FGF14: variants seen among roughly 807,000 people sequenced by gnomAD.
FGF14 encodes the protein fibroblast growth factor homologous factor 4.
A neutral mutation model predicts 25.5 loss-of-function variants in FGF14; 5 were observed. The observed-to-expected ratio is 0.20, with a 90% CI of 0.10 to 0.41. The LOEUF (loss-of-function observed/expected upper bound fraction) is 0.41. Ranked by LOEUF, FGF14 falls within the 10% of genes least tolerant of loss-of-function variation. The pLI is 1.00. For synonymous variants in FGF14, 138 were observed against 118.3 expected (o/e 1.17, Z -1.08); for missense variants, 222 against 320.1 (o/e 0.69, Z 2.34).
At chr13:102,387,425 C>CT (rs2058330231) in intron 1 of FGF14, among the ~76,000 whole-genome samples, 1 of 152,058 alleles carries the variant, frequency 6.6e-6, no homozygotes, top group South Asian at 2.1e-4. Context: ...ATGATCAACA[C>CT]TAGAGCCACA....
At chr13:101,791,277 T>C (rs1272441115) in intron 3 of FGF14, among the ~76,000 whole-genome samples, 3 of 152,196 alleles carry the variant, frequency 2.0e-5, no homozygotes, top group Non-Finnish European at 2.9e-5. Context: ...GCATGAAATA[T>C]AGGCGGCATG....
chr13:102,143,405 T>A (rs1362902075), intron 1 of FGF14, among the ~76,000 whole-genome samples: 1 of 152,176 alleles, frequency 6.6e-6, no homozygotes, highest in African/African-American at 2.4e-5. Context: ...AATGCAAATA[T>A]GTATTAGTAC....
At chr13:101,932,410 G>A (rs1422940620) in intron 1 of FGF14, among the ~76,000 whole-genome samples, 2 of 151,534 alleles carry the variant, frequency 1.3e-5, no homozygotes, top group Non-Finnish European at 2.9e-5. Context: ...GCTGGTGCCT[G>A]TAATCCCAGC....
intron 1 of FGF14, among the ~76,000 whole-genome samples, chr13:102,221,374 A>G (rs2050603142): frequency 6.6e-6 from 1 of 152,172 alleles, no homozygotes; most frequent in Non-Finnish European, 1.5e-5. Context: ...AGGTCTTTTA[A>G]GAAAACTGAG....
At chr13:101,877,121 C>A (rs1334197223) in intron 1 of FGF14, among the ~76,000 whole-genome samples, 1 of 152,128 alleles carries the variant, frequency 6.6e-6, no homozygotes, top group Non-Finnish European at 1.5e-5. Context: ...TTAACTAGAT[C>A]AGGCGAGGCA....
intron 1 of FGF14, among the ~76,000 whole-genome samples, chr13:102,070,144 T>C (rs1041969590): frequency 1.3e-5 from 2 of 152,128 alleles, no homozygotes; most frequent in Admixed American, 1.3e-4. Flanking sequence ...TTACAAAGGA[T>C]TAACCAGAAG....
chr13:101,980,066 C>T (rs960967036), intron 1 of FGF14, among the ~76,000 whole-genome samples: 1 of 152,150 alleles, frequency 6.6e-6, no homozygotes, highest in Non-Finnish European at 1.5e-5. Flanking sequence ...GCTGTTATTG[C>T]TACTATTTAT....
chr13:101,941,336 T>C (rs990410529), intron 1 of FGF14, among the ~76,000 whole-genome samples: 3 of 152,234 alleles, frequency 2.0e-5, no homozygotes, highest in African/African-American at 7.2e-5. Flanking sequence ...AGCTCTTAAC[T>C]GGCCAAGCTA....
chr13:102,207,314 A>G (rs551460404), intron 1 of FGF14, among the ~76,000 whole-genome samples: 5 of 151,830 alleles, frequency 3.3e-5, no homozygotes, highest in African/African-American at 1.2e-4. Flanking sequence ...GAAAGAAAAA[A>G]AGAAAAAAAC....
chr13:101,736,192 G>T (rs765978566), intron 3 of FGF14, among the ~76,000 whole-genome samples: 3 of 151,998 alleles, frequency 2.0e-5, no homozygotes, highest in Non-Finnish European at 2.9e-5. Flanking sequence ...ATATATATAT[G>T]TATGTGTATT....
chr13:102,272,172 A>G (rs1594664463), intron 1 of FGF14, among the ~76,000 whole-genome samples: 1 of 152,126 alleles, frequency 6.6e-6, no homozygotes, highest in Non-Finnish European at 1.5e-5. Flanking sequence ...TCAGTGCTGT[A>G]GCCTTTTTAC....
chr13:102,396,662 A>G (rs942575668), intron 1 of FGF14, among the ~76,000 whole-genome samples: 2 of 152,242 alleles, frequency 1.3e-5, no homozygotes, highest in East Asian at 1.9e-4. Context: ...CATTTGAACA[A>G]ATTTTCTCAG....
intron 1 of FGF14, among the ~76,000 whole-genome samples, chr13:102,307,412 TA>T (rs903037105): frequency 6.6e-6 from 1 of 152,116 alleles, no homozygotes; most frequent in Non-Finnish European, 1.5e-5. Context: ...ACAGCAGCAT[TA>T]AAAAAACTAA....
intron 1 of FGF14, among the ~76,000 whole-genome samples, chr13:102,294,720 A>G (rs757934647): frequency 5.9e-5 from 9 of 152,062 alleles, no homozygotes; most frequent in Non-Finnish European, 1.0e-4. Context: ...TTCTGATAAT[A>G]TTAGTGAAAT....
chr13:102,221,634 AC>A (rs2050617700), intron 1 of FGF14, among the ~76,000 whole-genome samples: 1 of 151,820 alleles, frequency 6.6e-6, no homozygotes, highest in Non-Finnish European at 1.5e-5. Flanking sequence ...ACACACACAC[AC>A]ACACACACAC....
chr13:102,086,095 T>C (rs1172580094), intron 1 of FGF14, among the ~76,000 whole-genome samples: 1 of 152,336 alleles, frequency 6.6e-6, no homozygotes, highest in East Asian at 1.9e-4. Flanking sequence ...GGGCACTAGC[T>C]AGCAAGTTAT....
rs1335053629 is a variant in FGF14 at position 101,752,837 on chromosome 13, C to CA, written c.409-26028dup. 2.6e-5 allele frequency among the ~76,000 whole-genome samples: 4 copies of CA among 152,034 alleles called. No homozygotes were observed. In the East Asian group the frequency reaches 7.7e-4, roughly 29 times the overall value. ...CAAGTAGGCTAGAAGAGGGCAGGGC[C>CA]AAAAAATGGCTATCTTTTTGGAAAA... On this transcript the variant is annotated intron_variant, in intron 3 of 4. Transcript: ENST00000376143.
intron 1 of FGF14, among the ~76,000 whole-genome samples, chr13:102,190,618 T>C (rs1490452966): frequency 6.6e-6 from 1 of 152,136 alleles, no homozygotes; most frequent in Non-Finnish European, 1.5e-5. Flanking sequence ...CTTACATTAA[T>C]AGATAAGGAT....
intron 1 of FGF14, among the ~76,000 whole-genome samples, chr13:102,240,493 A>C (rs7981929): frequency 0.083 from 12,704 of 152,182 alleles, 897 homozygotes; most frequent in African/African-American, 0.18. Context: ...TCAAAATAAT[A>C]GACCAATTTT....
Sources: gnomAD v4.1 joint callset for allele counts (sites outside exome capture counted in the v4.1 genomes callset) on GRCh38, gnomAD v4.1.1 for gene constraint, MANE v1.5 for transcripts, NCBI Gene and HGNC (gene_info 2026-07-23, HGNC 2026-07-21) for gene names.